BCL2L14: variants seen among roughly 807,000 people sequenced by gnomAD.
The protein encoded by BCL2L14 is BCL2 like 14, also known as apoptosis facilitator Bcl-2-like protein 14.
BCL2L14 carries 27 observed loss-of-function variants against 35.3 expected under a neutral mutation model. That is an observed-to-expected ratio of 0.76 (90% CI 0.56 to 1.05). The LOEUF is 1.05. BCL2L14 is among the 50% of genes least tolerant of loss of function. The pLI, the probability that BCL2L14 is intolerant of heterozygous loss-of-function variation, is 0.00. For synonymous variants in BCL2L14, 139 were observed against 145.9 expected (o/e 0.95, Z 0.34); for missense variants, 377 against 382.6 (o/e 0.99, Z 0.12).
chr12:12,083,988 C>G (rs940111337), intron 2 of BCL2L14, among the ~76,000 whole-genome samples: 1 of 152,112 alleles, frequency 6.6e-6, no homozygotes, highest in African/African-American at 2.4e-5. Context: ...GCTTCCACCT[C>G]AAAGTCACCT....
At chr12:12,087,075 A>G in intron 2 of BCL2L14, 138 bp from the exon 3 acceptor site, 1 of 921,650 alleles carries the variant, frequency 1.1e-6, no homozygotes. Flanking sequence ...CTGAAGAATG[A>G]CCCTCCCCCA....
chr12:12,072,713 A>T lies in BCL2L14; in HGVS notation c.-8+1576A>T, dbSNP rs184297670. Reference sequence around the variant, plus strand: ...TAAACCCCAAAGTTGGGCTTCTTGTATAGAGTACAATTTCTGTAGGAAGAG... The same window carrying T: ...TAAACCCCAAAGTTGGGCTTCTTGTTTAGAGTACAATTTCTGTAGGAAGAG... On this transcript the variant is annotated intron_variant, in intron 1 of 5. Coordinates refer to ENST00000308721, the MANE Select transcript of BCL2L14 (RefSeq NM_138723.2). 4.6e-5 allele frequency among the ~76,000 whole-genome samples: 7 copies of T among 152,328 alleles called. No individual in the cohort carries two copies. The East Asian group carries it at 7.7e-4, about 17-fold the overall frequency.
At chr12:12,065,717 T>C (rs1287587361) in intron 2 of BCL2L14, among the ~76,000 whole-genome samples, 2 of 151,934 alleles carry the variant, frequency 1.3e-5, no homozygotes, top group South Asian at 2.1e-4. Flanking sequence ...GAGTCCAGAG[T>C]TGTCTCCAGC....
chr12:12,090,046 A>G (rs146190294), intron 3 of BCL2L14, among the ~76,000 whole-genome samples: 1 of 152,362 alleles, frequency 6.6e-6, no homozygotes, highest in East Asian at 1.9e-4. Flanking sequence ...AATATAATCA[A>G]ATATGAGATT....
chr12:12,068,709 TC>T (rs1948623002), upstream of BCL2L14, among the ~76,000 whole-genome samples: 1 of 151,682 alleles, frequency 6.6e-6, no homozygotes, highest in Non-Finnish European at 1.5e-5. Context: ...ACAGCGTGAA[TC>T]CCAAAATTGG....
At chr12:12,086,540 A>G (rs115504462) in intron 2 of BCL2L14, among the ~76,000 whole-genome samples, 4,090 of 151,320 alleles carry the variant, frequency 0.027, 186 homozygotes, top group African/African-American at 0.093. Context: ...CTGTATGCAA[A>G]TACATGACGT....
At chr12:12,057,008 C>A (rs1948442818) in intron 2 of BCL2L14, among the ~76,000 whole-genome samples, 1 of 152,120 alleles carries the variant, frequency 6.6e-6, no homozygotes, top group East Asian at 1.9e-4. Context: ...ATGACTCTCA[C>A]ATGATATAAA....
Position 12,060,192 on chromosome 12 carries a change from A to T in BCL2L14, c.-272+8345A>T, listed in dbSNP as rs60708696. Among the ~76,000 whole-genome samples, 6 of 150,402 alleles carry T rather than the reference A, an allele frequency of 4.0e-5. No individual in the cohort carries two copies. The South Asian group carries it at 1.1e-3, about 27-fold the overall frequency. ...CCGGTCCGGCTTACAGTTTCGTTCC[A>T]TGACTAGCCCTCCCCCTCCTGCCCA... On this transcript the variant is annotated intron_variant, in intron 2 of 3. Transcript: ENST00000461264.
intron 2 of BCL2L14, among the ~76,000 whole-genome samples, chr12:12,081,352 G>A (rs1372405046): frequency 1.3e-5 from 2 of 151,760 alleles, no homozygotes; most frequent in Non-Finnish European, 2.9e-5. Context: ...CTACTATGGA[G>A]GCTGAGGTGG....
intron 1 of BCL2L14, among the ~76,000 whole-genome samples, chr12:12,051,115 G>A (rs566039291): frequency 6.6e-6 from 1 of 152,294 alleles, no homozygotes; most frequent in South Asian, 2.1e-4. Context: ...GACCTTGTAG[G>A]GGCACCAGAC....
At chr12:12,075,037 T>TAAATTACGATTTAATAAA (rs1280013380) in intron 1 of BCL2L14, among the ~76,000 whole-genome samples, 1 of 152,200 alleles carries the variant, frequency 6.6e-6, no homozygotes, top group African/African-American at 2.4e-5. Context: ...TTATACAGTA[T>TAAATTACGATTTAATAAA]GTTTGAATTA....
At chr12:12,096,566 T>A (rs1036779561) in intron 5 of BCL2L14, among the ~76,000 whole-genome samples, 3 of 152,174 alleles carry the variant, frequency 2.0e-5, no homozygotes, top group Non-Finnish European at 4.4e-5. Flanking sequence ...AATTTTCAAA[T>A]GAGCAATGGA....
chr12:12,080,798 G>A (rs1280807411), intron 2 of BCL2L14, among the ~76,000 whole-genome samples: 2 of 152,050 alleles, frequency 1.3e-5, no homozygotes, highest in African/African-American at 4.8e-5. Flanking sequence ...AGAGTAAAAG[G>A]ACTCTTGACA....
chr12:12,061,393 C>T (rs1200499216), intron 2 of BCL2L14, among the ~76,000 whole-genome samples: 1 of 151,824 alleles, frequency 6.6e-6, no homozygotes, highest in Non-Finnish European at 1.5e-5. Flanking sequence ...CCACAGCACG[C>T]TTTAAAAGGA....
intron 2 of BCL2L14, among the ~76,000 whole-genome samples, chr12:12,063,130 T>C (rs1177303331): frequency 1.3e-5 from 2 of 151,396 alleles, no homozygotes; most frequent in South Asian, 4.2e-4. Context: ...CCCTACTATC[T>C]TCTGTCTAGT....
At chr12:12,093,638 C>G (rs1313345490) in intron 4 of BCL2L14, among the ~76,000 whole-genome samples, 1 of 151,656 alleles carries the variant, frequency 6.6e-6, no homozygotes, top group Non-Finnish European at 1.5e-5. Context: ...ACTAAAAATA[C>G]AAAAATTAGC....
intron 2 of BCL2L14, among the ~76,000 whole-genome samples, chr12:12,083,186 G>C (rs567286947): frequency 3.1e-4 from 47 of 152,204 alleles, no homozygotes; most frequent in Non-Finnish European, 6.0e-4. Flanking sequence ...GGATGGTCTC[G>C]ATCTCCTGGC....
upstream of BCL2L14, among the ~76,000 whole-genome samples, chr12:12,069,607 C>T (rs990700668): frequency 6.7e-6 from 1 of 150,324 alleles, no homozygotes; most frequent in Admixed American, 6.7e-5. Context: ...ACTTGGGAGG[C>T]TGAGGCAGGA....
rs527911206 is a variant in BCL2L14, at chr12:12,097,135, A to G, written c.946-1815A>G. Among the ~76,000 whole-genome samples the G allele has an allele frequency of 3.3e-5, 5 of 152,072 alleles. No homozygotes were observed. The South Asian group carries it at 1.0e-3, about 32-fold the overall frequency. ...ACTCCAGCCTGGGAGAGAGAGCGAG[A>G]CTCTGTCTCAAAAAATAAAAAAAAT... On this transcript the variant is annotated intron_variant, in intron 5 of 5. Coordinates refer to ENST00000308721, the MANE Select transcript of BCL2L14 (RefSeq NM_138723.2).
Sources: allele counts gnomAD v4.1 joint callset (sites outside exome capture counted in the v4.1 genomes callset), GRCh38; gene constraint gnomAD v4.1.1; transcripts MANE v1.5; gene names NCBI Gene and HGNC (gene_info 2026-07-23, HGNC 2026-07-21).